Variants in RSPO3 observed in about 807,000 individuals in gnomAD.
RSPO3 encodes the protein R-spondin 3.
RSPO3 carries 17 observed loss-of-function variants against 36.5 expected under a neutral mutation model. That is an observed-to-expected ratio of 0.47 (90% CI 0.32 to 0.70). The LOEUF is 0.70. Among genes scored for constraint, RSPO3 ranks in the 30% least tolerant of loss-of-function variants. RSPO3 has a pLI of 0.04. For missense variants in RSPO3, 294 were observed against 322.5 expected (o/e 0.91, Z 0.68); for synonymous variants, 108 against 107.0 (o/e 1.01, Z -0.06).
intron 4 of RSPO3, among the ~76,000 whole-genome samples, chr6:127,173,378 G>C (rs1258634255): frequency 1.3e-5 from 2 of 151,824 alleles, no homozygotes; most frequent in African/African-American, 2.4e-5. Flanking sequence ...TCAGTCAGTA[G>C]AGTCAGTGAC....
At chr6:127,173,907 G>T (rs950691126) in intron 4 of RSPO3, among the ~76,000 whole-genome samples, 3 of 151,906 alleles carry the variant, frequency 2.0e-5, no homozygotes, top group African/African-American at 7.2e-5. Context: ...GAAGCAAGGG[G>T]AATTGGCTGT....
chr6:127,195,089 C>T (rs753429479), intron 4 of RSPO3, among the ~76,000 whole-genome samples: 1 of 152,116 alleles, frequency 6.6e-6, no homozygotes, highest in Non-Finnish European at 1.5e-5. Context: ...AATATCTTGA[C>T]AAATTATAAC....
intron 4 of RSPO3, among the ~76,000 whole-genome samples, chr6:127,169,487 A>T (rs1288573831): frequency 6.6e-6 from 1 of 151,914 alleles, no homozygotes; most frequent in Non-Finnish European, 1.5e-5. Flanking sequence ...TGTAATTAAG[A>T]AGACTTATGT....
intron 1 of RSPO3, among the ~76,000 whole-genome samples, chr6:127,146,393 GTATT>G (rs1774384918): frequency 6.6e-6 from 1 of 152,030 alleles, no homozygotes; most frequent in Non-Finnish European, 1.5e-5. Flanking sequence ...ATCAAGCAAG[GTATT>G]TTGGCACATC....
intron 1 of RSPO3, among the ~76,000 whole-genome samples, chr6:127,125,692 A>T (rs1297208009): frequency 1.3e-5 from 2 of 152,174 alleles, no homozygotes; most frequent in South Asian, 2.1e-4. Flanking sequence ...CGAGTAAGTG[A>T]TCAATGTGGA....
rs35984807 is a variant in RSPO3, at chr6:127,139,940, G to GA, written c.98-8699dup. Among the ~76,000 whole-genome samples, 93 of 149,234 alleles carry GA rather than the reference G, an allele frequency of 6.2e-4. 1 individual carries two copies. Among genetic ancestry groups the GA allele is most frequent in the Middle Eastern group, 3.4e-3 (1 of 292 alleles). ...AAAGGATTTTTCTACTTGCGATTAG[G>GA]AAAAAAAAACACCTCTTTATTTTTG... On this transcript the variant is annotated intron_variant, in intron 1 of 4. Coordinates refer to ENST00000356698, the MANE Select transcript of RSPO3 (RefSeq NM_032784.5).
chr6:127,178,117 G>A (rs2114627871), intron 4 of RSPO3, among the ~76,000 whole-genome samples: 1 of 151,734 alleles, frequency 6.6e-6, no homozygotes, highest in Middle Eastern at 3.4e-3. Flanking sequence ...TTTAAATATT[G>A]AAATGGTAAC....
At chr6:127,135,269 A>T (rs1323974005) in intron 1 of RSPO3, among the ~76,000 whole-genome samples, 1 of 152,046 alleles carries the variant, frequency 6.6e-6, no homozygotes, top group Non-Finnish European at 1.5e-5. Flanking sequence ...AAAATATAAA[A>T]AATTAGCCGG....
chr6:127,194,277 A>G (rs551732397), intron 4 of RSPO3, among the ~76,000 whole-genome samples: 8 of 152,332 alleles, frequency 5.3e-5, no homozygotes, highest in Non-Finnish European at 8.8e-5. Flanking sequence ...TCTCTCATGC[A>G]GACAATTTCT....
intron 4 of RSPO3, among the ~76,000 whole-genome samples, chr6:127,162,168 T>C (rs1354529562): frequency 1.3e-5 from 2 of 152,140 alleles, no homozygotes; most frequent in Non-Finnish European, 2.9e-5. Flanking sequence ...AGTTTTTACT[T>C]CCACCACATT....
chr6:127,139,723 C>G (rs1379247804), intron 1 of RSPO3, among the ~76,000 whole-genome samples: 2 of 152,050 alleles, frequency 1.3e-5, no homozygotes, highest in Non-Finnish European at 2.9e-5. Context: ...TACCTACTAA[C>G]TCATCAATAG....
rs1009353956 is a variant in RSPO3, at chr6:127,198,758, A to C, written c.*2751A>C. Among the ~76,000 whole-genome samples, 2 of 152,190 alleles carry C rather than the reference A, an allele frequency of 1.3e-5. No homozygotes were observed. The highest frequency in any genetic ancestry group is 4.8e-5 in the African/African-American group (2 of 41,456). ...TGGGTCCCCATTTCTCATGTGCAACAAGAAAGAGGGGAACTGGAGATGATC... is the reference window on the plus strand; with the variant it reads ...TGGGTCCCCATTTCTCATGTGCAACCAGAAAGAGGGGAACTGGAGATGATC... On this transcript the variant is annotated 3_prime_UTR_variant, in exon 5 of 5. Transcript: ENST00000356698.
intron 2 of RSPO3, among the ~76,000 whole-genome samples, chr6:127,149,410 C>T (rs528002096): frequency 6.6e-6 from 1 of 152,180 alleles, no homozygotes; most frequent in South Asian, 2.1e-4. Context: ...CCATTTTGCA[C>T]CAGCCTCACT....
At chr6:127,142,640 G>C (rs1479375607) in intron 1 of RSPO3, among the ~76,000 whole-genome samples, 1 of 152,092 alleles carries the variant, frequency 6.6e-6, no homozygotes, top group Non-Finnish European at 1.5e-5. Flanking sequence ...TTGAATGATT[G>C]ATTTCATAAT....
At chr6:127,128,897 G>A (rs1773996077) in intron 1 of RSPO3, among the ~76,000 whole-genome samples, 1 of 152,058 alleles carries the variant, frequency 6.6e-6, no homozygotes, top group South Asian at 2.1e-4. Context: ...CTTTGCTGCT[G>A]AGCTATATTG....
At chr6:127,192,458 C>T (rs2114275636) in intron 4 of RSPO3, among the ~76,000 whole-genome samples, 1 of 152,240 alleles carries the variant, frequency 6.6e-6, no homozygotes. Context: ...TGAGAAATAT[C>T]AACAACTTGC....
At chr6:127,179,038 C>A (rs1368356581) in intron 4 of RSPO3, among the ~76,000 whole-genome samples, 1 of 151,826 alleles carries the variant, frequency 6.6e-6, no homozygotes, top group African/African-American at 2.4e-5. Flanking sequence ...CACATTCTTT[C>A]ATTTGTCTTA....
At chr6:127,176,923 A>T (rs1330777509) in intron 4 of RSPO3, among the ~76,000 whole-genome samples, 2 of 151,790 alleles carry the variant, frequency 1.3e-5, no homozygotes, top group African/African-American at 2.4e-5. Context: ...AGTAAACACA[A>T]CTTGTTTTTT....
intron 4 of RSPO3, among the ~76,000 whole-genome samples, chr6:127,171,464 C>CA (rs1430337126): frequency 6.6e-6 from 1 of 151,710 alleles, no homozygotes; most frequent in Non-Finnish European, 1.5e-5. Context: ...GTTTTCTCCT[C>CA]AAGTTTGCAT....
Sources: gnomAD v4.1 joint callset for allele counts (sites outside exome capture counted in the v4.1 genomes callset) on GRCh38, gnomAD v4.1.1 for gene constraint, MANE v1.5 for transcripts, NCBI Gene and HGNC (gene_info 2026-07-23, HGNC 2026-07-21) for gene names.